The following NME7 variants were observed in gnomAD, a reference collection of about 807,000 sequenced individuals.
The protein encoded by NME7 is nucleoside diphosphate kinase 7.
Under a neutral mutation model 49.1 loss-of-function variants are expected in NME7, and 41 were observed. That is an observed-to-expected ratio of 0.83 (90% confidence interval 0.65 to 1.08). NME7 has a LOEUF of 1.08. Ranked by LOEUF, NME7 falls within the 50% of genes least tolerant of loss-of-function variation. NME7 has a pLI of 0.00. For synonymous variants in NME7, 139 were observed against 150.6 expected (o/e 0.92, Z 0.56); for missense variants, 423 against 463.4 (o/e 0.91, Z 0.80).
chr1:169,258,602 C>T lies in NME7; in HGVS notation c.755-20915G>A, dbSNP rs1194084057. ...TTTCTTTTGTTTGTTTTAAATGGCT[C>T]TGATTCCCTCAGCACTGGCAAGGCT... is the stretch of plus-strand genomic sequence containing the variant. On this transcript the variant is annotated intron_variant, in intron 7 of 11. Coordinates refer to ENST00000367811, the MANE Select transcript of NME7 (RefSeq NM_013330.5). Among the ~76,000 whole-genome samples the T allele has an allele frequency of 3.1e-5, 4 of 130,134 alleles. 1 individual carries two copies. The highest frequency in any genetic ancestry group is 1.5e-4 in the Admixed American group (2 of 13,116). 85.4% of individuals were successfully genotyped at this position (130,134 alleles called of 152,430 possible).
intron 1 of NME7, among the ~76,000 whole-genome samples, chr1:169,350,095 G>A (rs190441570): frequency 5.7e-4 from 87 of 151,832 alleles, no homozygotes; most frequent in African/African-American, 2.1e-3. Context: ...AGGAGGCTGA[G>A]GCAGGAGAAT....
At chr1:169,323,305 TAACA>T (rs760439197) in intron 2 of NME7, 22 bp from the exon 3 acceptor site, 87 of 1,476,238 alleles carry the variant, frequency 5.9e-5, no homozygotes, top group Admixed American at 9.8e-5. Context: ...CACAACAATA[TAACA>T]AACAAACAAA....
rs1171151015 is a variant in NME7, at chr1:169,261,125, A to T, written c.755-23438T>A. 8.9e-5 allele frequency among the ~76,000 whole-genome samples: 12 copies of T among 134,502 alleles called. 4 individuals are homozygous for T. The highest frequency in any genetic ancestry group is 1.7e-4 in the Non-Finnish European group (10 of 57,212). The allele number at this position is 134,502 out of a possible 152,430, so 88.2% of individuals were successfully genotyped here. On this transcript the variant is annotated intron_variant, in intron 7 of 11. Coordinates refer to ENST00000367811, the MANE Select transcript of NME7 (RefSeq NM_013330.5). Reference sequence around the variant, plus strand: ...AATTTCTTTTATAAATGTTTACTGAAACAAAACACTGAAATTAAATATTAT... The same window carrying T: ...AATTTCTTTTATAAATGTTTACTGATACAAAACACTGAAATTAAATATTAT...
At chr1:169,280,887 A>G (rs895373212) in intron 7 of NME7, among the ~76,000 whole-genome samples, 1 of 151,750 alleles carries the variant, frequency 6.6e-6, no homozygotes, top group African/African-American at 2.4e-5. Flanking sequence ...GTCAGGTAGC[A>G]TAATGCCTCC....
At chr1:169,137,898 AC>A (rs932006931) in intron 11 of NME7, among the ~76,000 whole-genome samples, 238 of 152,100 alleles carry the variant, frequency 1.6e-3, no homozygotes, top group Non-Finnish European at 2.8e-3. Flanking sequence ...CTGCAGATGT[AC>A]CCCCCACAAA....
intron 7 of NME7, among the ~76,000 whole-genome samples, chr1:169,252,954 G>A (rs1471263195): frequency 1.3e-5 from 2 of 149,208 alleles, no homozygotes; most frequent in African/African-American, 5.0e-5. Context: ...ATGCTGTTTT[G>A]GTTACTGTAG....
intron 11 of NME7, among the ~76,000 whole-genome samples, chr1:169,142,452 C>A (rs975386685): frequency 5.3e-5 from 8 of 152,196 alleles, no homozygotes; most frequent in African/African-American, 1.9e-4. Flanking sequence ...GCAATAAATT[C>A]TTAACTGGTA....
intron 4 of NME7, 114 bp downstream of exon 4, chr1:169,309,856 T>C: frequency 1.5e-6 from 1 of 649,578 alleles, no homozygotes; most frequent in East Asian, 2.9e-5. Flanking sequence ...TACTATTCTA[T>C]TCTTTGTCAT....
chr1:169,140,424 C>A (rs1658556573), intron 11 of NME7, among the ~76,000 whole-genome samples: 1 of 152,126 alleles, frequency 6.6e-6, no homozygotes, highest in Non-Finnish European at 1.5e-5. Flanking sequence ...GATAATAAAA[C>A]CTACCTCATT....
At position 169,218,519 on chromosome 1, in the gene NME7, C is replaced by G. The variant is rs1404135954; in HGVS notation, c.990+12199G>C. On this transcript the variant is annotated intron_variant, in intron 10 of 11. Transcript: ENST00000367811. ...GAGGATTGCTTGAGATGGGGAGATT[C>G]AGGCTGCCACTGCAGTCCAGCCTGG... Among the ~76,000 whole-genome samples, 3 of 152,068 alleles carry G rather than the reference C, an allele frequency of 2.0e-5. No individual in the cohort carries two copies. In the East Asian group the frequency reaches 5.8e-4, roughly 29 times the overall value.
At chr1:169,133,957 A>G (rs1200160) in intron 11 of NME7, among the ~76,000 whole-genome samples, 73,438 of 152,030 alleles carry the variant, frequency 0.48, 18,338 homozygotes, top group Non-Finnish European at 0.53. Flanking sequence ...GGTGAGACTT[A>G]ACCTGTTTTC....
chr1:169,280,308 T>C (rs546174177), intron 7 of NME7, among the ~76,000 whole-genome samples: 30 of 152,288 alleles, frequency 2.0e-4, no homozygotes, highest in Middle Eastern at 3.4e-3. Context: ...GGGTTGTTTG[T>C]TTTTTTCTTG....
intron 4 of NME7, among the ~76,000 whole-genome samples, chr1:169,305,990 T>C (rs1373993052): frequency 6.6e-6 from 1 of 152,208 alleles, no homozygotes; most frequent in Non-Finnish European, 1.5e-5. Context: ...AGTTAAGTTT[T>C]CTTGGGAATT....
At chr1:169,334,112 T>C (rs558106908) in intron 1 of NME7, among the ~76,000 whole-genome samples, 10 of 152,286 alleles carry the variant, frequency 6.6e-5, no homozygotes, top group African/African-American at 2.4e-4. Flanking sequence ...TTAAACTAAC[T>C]AGAAGTCTTA....
At chr1:169,158,723 C>A (rs1447302544) in intron 11 of NME7, among the ~76,000 whole-genome samples, 1 of 152,148 alleles carries the variant, frequency 6.6e-6, no homozygotes, top group Non-Finnish European at 1.5e-5. Flanking sequence ...CTTGTTAAAG[C>A]ACAGATTCCT....
Position 169,237,412 on chromosome 1 carries a change from T to C in NME7, c.819+211A>G, listed in dbSNP as rs60599829. ...TTATAAGCTTAAATTAGGTGTATCA[T>C]TGAATATTACTTCTCTCAGTAAAAT... On this transcript the variant is annotated intron_variant, in intron 8 of 11. Transcript: ENST00000367811. Among the ~76,000 whole-genome samples, 283 of 152,242 alleles carry C rather than the reference T, an allele frequency of 1.9e-3. 2 individuals carry two copies. Among genetic ancestry groups the C allele is most frequent in the African/African-American group, 5.6e-3 (232 of 41,564 alleles).
At chr1:169,249,057 C>T (rs75318972) in intron 7 of NME7, among the ~76,000 whole-genome samples, 1,666 of 152,158 alleles carry the variant, frequency 0.011, 43 homozygotes, top group African/African-American at 0.038. Flanking sequence ...TGCACTGAAT[C>T]AGTGGATTGC....
In NME7 at chr1:169,259,643, T is replaced by C. The variant is rs1649100212; in HGVS notation, c.755-21956A>G. Among the ~76,000 whole-genome samples, 2 of 134,040 alleles carry C rather than the reference T, an allele frequency of 1.5e-5. 1 individual carries two copies. Among genetic ancestry groups the C allele is most frequent in the Non-Finnish European group, 3.5e-5 (2 of 56,932 alleles). The allele number at this position is 134,040 out of a possible 152,430, so 87.9% of individuals were successfully genotyped here. ...TATCAAATAATTTGAGGTGCATGTT[T>C]TGAATCACATTAACAGATTAAATAA... is the stretch of plus-strand genomic sequence containing the variant. On this transcript the variant is annotated intron_variant, in intron 7 of 11. Coordinates refer to ENST00000367811, the MANE Select transcript of NME7 (RefSeq NM_013330.5).
At chr1:169,253,649 A>G (rs1648747301) in intron 7 of NME7, among the ~76,000 whole-genome samples, 1 of 152,216 alleles carries the variant, frequency 6.6e-6, no homozygotes, top group Non-Finnish European at 1.5e-5. Context: ...CCAGTTTTCA[A>G]ACGGAATGCT....
Sources: gnomAD v4.1 joint callset for allele counts (sites outside exome capture counted in the v4.1 genomes callset) on GRCh38, gnomAD v4.1.1 for gene constraint, MANE v1.5 for transcripts, NCBI Gene and HGNC (gene_info 2026-07-23, HGNC 2026-07-21) for gene names.